STAG2: variants seen among roughly 807,000 people sequenced by gnomAD.
The protein encoded by STAG2 is STAG2 cohesin complex component.
A neutral mutation model predicts 108.1 loss-of-function variants in STAG2; 14 were observed. That is an observed-to-expected ratio of 0.13 (90% CI 0.09 to 0.20). The LOEUF (loss-of-function observed/expected upper bound fraction) is 0.20. STAG2 is among the 10% of genes least tolerant of loss of function. STAG2 has a pLI of 1.00. For synonymous variants in STAG2, 307 were observed against 302.7 expected, an observed-to-expected ratio of 1.01 and a Z score of -0.15; for missense variants, 440 against 940.9, an observed-to-expected ratio of 0.47 and a Z score of 6.96.
chrX:124,021,277 T>TG (rs1005032534), intron 1 of STAG2, 90 bp from the exon 2 acceptor site: 1 of 112,003 alleles, frequency 8.9e-6, no homozygotes, highest in Admixed American at 9.5e-5. Flanking sequence ...TCTAACCTAC[T>TG]GGGAGAAGTC....
chrX:124,041,753 C>G (rs2057727622), intron 6 of STAG2, among the ~76,000 whole-genome samples: 1 of 111,700 alleles, frequency 9.0e-6, no homozygotes, highest in Non-Finnish European at 1.9e-5. Context: ...GATGTTTGGT[C>G]TCCACCTGAC....
chrX:124,066,605 G>T (rs1036725936), intron 23 of STAG2, among the ~76,000 whole-genome samples, 169 bp downstream of exon 23: 7 of 103,732 alleles, frequency 6.7e-5, no homozygotes, highest in African/African-American at 2.1e-4. Context: ...GATATGGTTT[G>T]TTTCAAGGTA....
chrX:124,042,402 C>G (rs191274441), intron 6 of STAG2, among the ~76,000 whole-genome samples, 167 bp from the exon 7 acceptor site: 40 of 111,987 alleles, frequency 3.6e-4, no homozygotes, highest in African/African-American at 1.3e-3. Context: ...TTTGTTTGTG[C>G]TTTATTTATA....
At chrX:123,962,433 G>A (rs1335838022) in intron 1 of STAG2, among the ~76,000 whole-genome samples, 2 of 110,908 alleles carry the variant, frequency 1.8e-5, no homozygotes, top group Non-Finnish European at 3.8e-5. Flanking sequence ...CTCCCCCTTG[G>A]TGCATATGTC....
In STAG2 at chrX:124,034,868, T is replaced by A. The variant is rs769934135; in HGVS notation, c.289-2659T>A. On this transcript the variant is annotated intron_variant, in intron 5 of 34. Coordinates refer to ENST00000371145, the MANE Select transcript of STAG2 (RefSeq NM_001042750.2). Reference sequence around the variant, plus strand: ...TACCTATCTCAGTAGTTGTTGTTGTTGTTGTTGTTGTTATTATTATTATTA... The same window carrying A: ...TACCTATCTCAGTAGTTGTTGTTGTAGTTGTTGTTGTTATTATTATTATTA... Among the ~76,000 whole-genome samples the A allele has an allele frequency of 9.9e-4, 84 of 84,634 alleles. 1 individual carries two copies. The East Asian group carries it at 0.025, about 25-fold the overall frequency. 73.5% of individuals were successfully genotyped at this position (84,634 alleles called of 115,157 possible).
At chrX:124,028,072 T>A (rs993739545) in intron 4 of STAG2, among the ~76,000 whole-genome samples, 2 of 111,879 alleles carry the variant, frequency 1.8e-5, no homozygotes, top group Non-Finnish European at 3.8e-5. Context: ...TATATTTTAC[T>A]AGTCTATTCT....
At chrX:123,970,588 C>T (rs1480986551) in intron 1 of STAG2, among the ~76,000 whole-genome samples, 1 of 112,016 alleles carries the variant, frequency 8.9e-6, no homozygotes, top group Non-Finnish European at 1.9e-5. Flanking sequence ...GCTGTTGATA[C>T]TGCTATTGCT....
At chrX:123,969,619 A>T (rs762877732) in intron 1 of STAG2, among the ~76,000 whole-genome samples, 6 of 109,330 alleles carry the variant, frequency 5.5e-5, no homozygotes, top group Non-Finnish European at 1.1e-4. Context: ...TTCATTAGTG[A>T]TCGGTATCTT....
At chrX:124,028,824 T>TATATA (rs1569507053) in intron 4 of STAG2, among the ~76,000 whole-genome samples, 134 of 65,656 alleles carry the variant, frequency 2.0e-3, no homozygotes, top group Middle Eastern at 8.5e-3. Flanking sequence ...ATATATATAT[T>TATATA]TTTTTTTTTA....
intron 29 of STAG2, among the ~76,000 whole-genome samples, chrX:124,084,227 A>G (rs773483913): frequency 5.0e-4 from 56 of 112,269 alleles, no homozygotes; most frequent in Non-Finnish European, 8.6e-4. Flanking sequence ...TAGATTTTAT[A>G]TGAAATTCTA....
intron 15 of STAG2, among the ~76,000 whole-genome samples, chrX:124,060,984 A>T (rs1054212099): frequency 9.2e-6 from 1 of 108,686 alleles, no homozygotes; most frequent in Non-Finnish European, 1.9e-5. Flanking sequence ...AAAATAATAA[A>T]AAATTTTTTT....
chrX:124,061,167 T>A, intron 15 of STAG2, 57 bp from the exon 16 acceptor site: 1 of 858,936 alleles, frequency 1.2e-6, no homozygotes, highest in Non-Finnish European at 1.6e-6. Flanking sequence ...TCCATTCTTT[T>A]GAGTTAAGGC....
At chrX:124,043,045 A>C (rs2148162935) in intron 7 of STAG2, among the ~76,000 whole-genome samples, 1 of 110,123 alleles carries the variant, frequency 9.1e-6, no homozygotes, top group East Asian at 2.9e-4. Flanking sequence ...TGTAAGCATT[A>C]ATGTTGTAAA....
At chrX:124,056,731 T>TAAA (rs771229412) in intron 14 of STAG2, among the ~76,000 whole-genome samples, 51 of 42,364 alleles carry the variant, frequency 1.2e-3, no homozygotes, top group Non-Finnish European at 1.4e-3. Flanking sequence ...AGACTCCATC[T>TAAA]AAAAAAAAAA....
chrX:124,068,499 A>T, intron 23 of STAG2, 65 bp from the exon 24 acceptor site: 2 of 760,810 alleles, frequency 2.6e-6, no homozygotes, highest in East Asian at 3.6e-5. Context: ...AATTGAAAAC[A>T]TTTTAAAGAA....
intron 1 of STAG2, among the ~76,000 whole-genome samples, chrX:123,993,351 A>AAT (rs1359680502): frequency 9.0e-6 from 1 of 111,710 alleles, no homozygotes; most frequent in Non-Finnish European, 1.9e-5. Flanking sequence ...GGTGAGTTGA[A>AAT]ATCTATATGG....
At chrX:123,999,453 T>G (rs1208683325) in intron 1 of STAG2, among the ~76,000 whole-genome samples, 1 of 111,138 alleles carries the variant, frequency 9.0e-6, no homozygotes, top group East Asian at 2.8e-4. Flanking sequence ...CTTCTCTCCC[T>G]GTCTCTCTCA....
intron 1 of STAG2, among the ~76,000 whole-genome samples, chrX:124,019,282 C>T (rs777576588): frequency 2.7e-5 from 3 of 109,295 alleles, no homozygotes; most frequent in African/African-American, 1.0e-4. Flanking sequence ...GGATGGTCTC[C>T]CTGACCTTAT....
chrX:123,985,186 G>A (rs2055108422), intron 1 of STAG2, among the ~76,000 whole-genome samples: 1 of 110,118 alleles, frequency 9.1e-6, no homozygotes, highest in South Asian at 3.8e-4. Flanking sequence ...ACTCATTATT[G>A]GCATGTTTTC....
Sources: gnomAD v4.1 joint callset for allele counts (sites outside exome capture counted in the v4.1 genomes callset) on GRCh38, gnomAD v4.1.1 for gene constraint, MANE v1.5 for transcripts, NCBI Gene and HGNC (gene_info 2026-07-23, HGNC 2026-07-21) for gene names.